The following SSBP2 variants were observed in gnomAD, a reference collection of about 807,000 sequenced individuals.
The protein encoded by SSBP2 is single stranded DNA binding protein 2.
A neutral mutation model predicts 61.8 loss-of-function variants in SSBP2; 17 were observed. The ratio of observed to expected loss-of-function variants is 0.28; its 90% CI spans 0.19 to 0.41. The LOEUF (loss-of-function observed/expected upper bound fraction) is 0.41, where lower values mean the gene tolerates loss of function less well. Ranked by LOEUF, SSBP2 falls within the 10% of genes least tolerant of loss-of-function variation. The probability of loss-of-function intolerance (pLI) is 1.00; values close to 1 mark genes in which losing one functional copy is unlikely to be tolerated. For missense variants in SSBP2, 310 were observed against 458.7 expected, an observed-to-expected ratio of 0.68 and a Z score of 2.96; for synonymous variants, 139 against 141.3, an observed-to-expected ratio of 0.98 and a Z score of 0.12.
chr5:81,580,814 C>G (rs1380126524), intron 4 of SSBP2, among the ~76,000 whole-genome samples: 1 of 151,626 alleles, frequency 6.6e-6, no homozygotes, highest in Non-Finnish European at 1.5e-5. Context: ...TATGTTAACA[C>G]CAAATGCTGA....
intron 6 of SSBP2, among the ~76,000 whole-genome samples, chr5:81,485,114 A>G (rs1300607180): frequency 1.3e-5 from 2 of 152,170 alleles, no homozygotes; most frequent in Non-Finnish European, 2.9e-5. Context: ...TGGGAAGGAT[A>G]AAGACTTGCT....
At chr5:81,714,742 G>C (rs559866541) in intron 1 of SSBP2, among the ~76,000 whole-genome samples, 64 of 152,062 alleles carry the variant, frequency 4.2e-4, no homozygotes, top group Middle Eastern at 3.4e-3. Flanking sequence ...TTTTTGATGG[G>C]CTTGTTTTTT....
chr5:81,501,169 C>G (rs1468929389), intron 5 of SSBP2, among the ~76,000 whole-genome samples: 1 of 133,514 alleles, frequency 7.5e-6, no homozygotes, highest in East Asian at 2.3e-4. Flanking sequence ...TGAGATCGCA[C>G]CACTGTACTC....
intron 3 of SSBP2, among the ~76,000 whole-genome samples, chr5:81,625,545 G>C (rs1747061195): frequency 6.6e-6 from 1 of 152,062 alleles, no homozygotes; most frequent in Non-Finnish European, 1.5e-5. Flanking sequence ...TACAAATGAA[G>C]ACACAGACTG....
At chr5:81,544,481 A>C (rs1211216320) in intron 4 of SSBP2, among the ~76,000 whole-genome samples, 4 of 152,176 alleles carry the variant, frequency 2.6e-5, no homozygotes, top group African/African-American at 9.7e-5. Context: ...GTGTCTCTTG[A>C]ACTTCGCCTA....
chr5:81,612,352 CAG>C (rs928428710), intron 4 of SSBP2, among the ~76,000 whole-genome samples: 2 of 152,044 alleles, frequency 1.3e-5, no homozygotes, highest in African/African-American at 2.4e-5. Context: ...TTTCCCATCT[CAG>C]AAGAGTGATT....
At chr5:81,546,376 T>A (rs887003941) in intron 4 of SSBP2, among the ~76,000 whole-genome samples, 1 of 152,180 alleles carries the variant, frequency 6.6e-6, no homozygotes, top group Non-Finnish European at 1.5e-5. Context: ...CTCAACCCAA[T>A]AAAATCTTTA....
At position 81,414,738 on chromosome 5, in the gene SSBP2, A is replaced by C. The variant is rs1449499573; in HGVS notation, c.*5766T>G. 1 of 152,216 alleles carries C rather than the reference A, an allele frequency of 6.6e-6. No individual in the cohort carries two copies. The highest frequency in any genetic ancestry group is 1.5e-5 in the Non-Finnish European group (1 of 68,042). The allele number at this position is 152,216 out of a possible 1,614,324, so 9.4% of individuals were successfully genotyped here. A position where few individuals can be genotyped will look rare whatever the true frequency, so the allele number is the denominator to read the frequency against. On this transcript the variant is annotated 3_prime_UTR_variant, in exon 17 of 17. Transcript: ENST00000320672. ...TAACATGGGTGTGCTAAACCTACGC[A>C]CAGGAGACTCCATCTGCGTATGTCT... is the stretch of plus-strand genomic sequence containing the variant.
At chr5:81,714,563 T>C (rs1449486978) in intron 1 of SSBP2, among the ~76,000 whole-genome samples, 1 of 152,178 alleles carries the variant, frequency 6.6e-6, no homozygotes, top group Non-Finnish European at 1.5e-5. Context: ...CTCCAGCATG[T>C]TGTTTCCTGA....
At chr5:81,572,445 ATAAATCCAGAGGGAAGATT>A in intron 4 of SSBP2, among the ~76,000 whole-genome samples, 1 of 152,304 alleles carries the variant, frequency 6.6e-6, no homozygotes, top group South Asian at 2.1e-4. Flanking sequence ...GACTCCATGG[ATAAATCCAGAGGGAAGATT>A]TAAATAGTCA....
intron 4 of SSBP2, among the ~76,000 whole-genome samples, chr5:81,574,150 C>A (rs995414391): frequency 2.0e-5 from 3 of 151,554 alleles, no homozygotes; most frequent in African/African-American, 7.3e-5. Context: ...CTAAAAAAAA[C>A]AAAACAAAAC....
intron 1 of SSBP2, among the ~76,000 whole-genome samples, chr5:81,702,917 G>A (rs561173031): frequency 6.6e-6 from 1 of 152,280 alleles, no homozygotes; most frequent in African/African-American, 2.4e-5. Flanking sequence ...TCATGCTGTG[G>A]CTCAATCTTA....
chr5:81,421,895 C>T (rs1377120867), intron 16 of SSBP2, among the ~76,000 whole-genome samples: 1 of 152,134 alleles, frequency 6.6e-6, no homozygotes, highest in East Asian at 1.9e-4. Context: ...CATGTATCCA[C>T]ATGTAGCTAG....
At chr5:81,625,189 A>G (rs1417020931) in intron 3 of SSBP2, among the ~76,000 whole-genome samples, 1 of 152,172 alleles carries the variant, frequency 6.6e-6, no homozygotes, top group African/African-American at 2.4e-5. Context: ...AAGAAGTAGG[A>G]CTTTTAGTTT....
chr5:81,485,750 A>G (rs1231101514), intron 6 of SSBP2, among the ~76,000 whole-genome samples: 1 of 152,168 alleles, frequency 6.6e-6, no homozygotes, highest in Non-Finnish European at 1.5e-5. Context: ...GGCTCAGGCG[A>G]TTCTCCTGCT....
intron 3 of SSBP2, among the ~76,000 whole-genome samples, chr5:81,623,463 G>A (rs1466735829): frequency 1.3e-5 from 2 of 151,516 alleles, no homozygotes; most frequent in African/African-American, 4.8e-5. Context: ...AGCCTCCCGA[G>A]TAGCTGGGAC....
intron 4 of SSBP2, among the ~76,000 whole-genome samples, chr5:81,553,445 A>G (rs1303936909): frequency 2.0e-5 from 3 of 152,140 alleles, no homozygotes; most frequent in Non-Finnish European, 2.9e-5. Flanking sequence ...TAAACCCCAG[A>G]CTTGGGCTGG....
intron 4 of SSBP2, among the ~76,000 whole-genome samples, chr5:81,593,614 G>A (rs1055147680): frequency 4.6e-5 from 7 of 152,168 alleles, no homozygotes; most frequent in African/African-American, 1.7e-4. Context: ...ACCCACAAAG[G>A]GAAGCCCATC....
chr5:81,683,719 C>T (rs1403676375), intron 1 of SSBP2, among the ~76,000 whole-genome samples: 4 of 152,084 alleles, frequency 2.6e-5, no homozygotes, highest in African/African-American at 9.7e-5. Flanking sequence ...AAAAACACAT[C>T]TGATAAAGGA....
Sources: gnomAD v4.1 joint callset for allele counts (sites outside exome capture counted in the v4.1 genomes callset) on GRCh38, gnomAD v4.1.1 for gene constraint, MANE v1.5 for transcripts, NCBI Gene and HGNC (gene_info 2026-07-23, HGNC 2026-07-21) for gene names.